The following UBE2E2 variants were observed in gnomAD, a reference collection of about 807,000 sequenced individuals.
The protein encoded by UBE2E2 is ubiquitin conjugating enzyme E2 E2.
A neutral mutation model predicts 24.7 loss-of-function variants in UBE2E2; 6 were observed. The observed-to-expected ratio is 0.24, with a 90% confidence interval of 0.13 to 0.48. The LOEUF is 0.48. Ranked by LOEUF, UBE2E2 falls within the 20% of genes least tolerant of loss-of-function variation. UBE2E2 has a pLI of 0.99. For missense variants in UBE2E2, 169 were observed against 245.0 expected, an observed-to-expected ratio of 0.69 and a Z score of 2.07; for synonymous variants, 104 against 83.6, an observed-to-expected ratio of 1.24 and a Z score of -1.33.
intron 3 of UBE2E2, among the ~76,000 whole-genome samples, chr3:23,328,767 T>C (rs1694981642): frequency 6.6e-6 from 1 of 152,032 alleles, no homozygotes; most frequent in African/African-American, 2.4e-5. Context: ...ATTCAAGCGA[T>C]TCTCCTGCCT....
intron 3 of UBE2E2, among the ~76,000 whole-genome samples, chr3:23,344,444 A>G (rs1575574184): frequency 2.6e-5 from 4 of 152,252 alleles, no homozygotes; most frequent in Middle Eastern, 3.4e-3. Flanking sequence ...TTATGAAGCA[A>G]ACTAACGCCT....
chr3:23,279,254 A>G (rs1698436351), intron 3 of UBE2E2, among the ~76,000 whole-genome samples: 2 of 152,160 alleles, frequency 1.3e-5, no homozygotes, highest in African/African-American at 4.8e-5. Flanking sequence ...TATGTTAAAA[A>G]ATGAATGTGA....
chr3:23,388,779 G>A (rs1207165058), intron 3 of UBE2E2, among the ~76,000 whole-genome samples: 1 of 152,198 alleles, frequency 6.6e-6, no homozygotes, highest in Non-Finnish European at 1.5e-5. Flanking sequence ...GGCCAAGGCA[G>A]GCGGATCATG....
intron 3 of UBE2E2, among the ~76,000 whole-genome samples, chr3:23,308,406 A>G (rs1221418760): frequency 6.6e-6 from 1 of 152,210 alleles, no homozygotes; most frequent in Non-Finnish European, 1.5e-5. Flanking sequence ...AATCCATTAC[A>G]TACTATAGTG....
chr3:23,289,409 C>A (rs1232683901), intron 3 of UBE2E2, among the ~76,000 whole-genome samples: 1 of 152,178 alleles, frequency 6.6e-6, no homozygotes, highest in African/African-American at 2.4e-5. Flanking sequence ...AGGTTTGTTA[C>A]TTTAGCTGGC....
chr3:23,504,912 C>CTT lies in UBE2E2; in HGVS notation c.360+5185_360+5186dup, dbSNP rs150970405. On this transcript the variant is annotated intron_variant, in intron 4 of 5. Transcript: ENST00000396703. ...AATGTTTCTGTTTCAGACATTCTTT[C>CTT]TTTTTTTTTTTTTTGAGACAGGGTC... Among the ~76,000 whole-genome samples the CTT allele has an allele frequency of 2.4e-3, 225 of 95,064 alleles. 31 individuals carry two copies. In the East Asian group the frequency reaches 0.025, roughly 11 times the overall value. The allele number at this position is 95,064 out of a possible 152,430, so 62.4% of individuals were successfully genotyped here. A position where few individuals can be genotyped will look rare whatever the true frequency, so the allele number is the denominator to read the frequency against.
At chr3:23,384,792 C>T (rs1223193618) in intron 3 of UBE2E2, among the ~76,000 whole-genome samples, 2 of 152,172 alleles carry the variant, frequency 1.3e-5, no homozygotes, top group African/African-American at 4.8e-5. Context: ...CCGCCCACCT[C>T]GGCGTCCAAA....
At chr3:23,320,633 TA>T (rs1409520318) in intron 3 of UBE2E2, among the ~76,000 whole-genome samples, 1 of 152,212 alleles carries the variant, frequency 6.6e-6, no homozygotes, top group Non-Finnish European at 1.5e-5. Context: ...ACAGAAAGGT[TA>T]CGTATTTGGC....
intron 3 of UBE2E2, among the ~76,000 whole-genome samples, chr3:23,289,302 T>A (rs1349599052): frequency 1.3e-5 from 2 of 152,252 alleles, no homozygotes; most frequent in Non-Finnish European, 2.9e-5. Flanking sequence ...AAAGGTCTGT[T>A]ATGCTTTTCT....
intron 3 of UBE2E2, among the ~76,000 whole-genome samples, chr3:23,331,985 T>C (rs1695070826): frequency 6.6e-6 from 1 of 152,208 alleles, no homozygotes; most frequent in Non-Finnish European, 1.5e-5. Context: ...TAATTTTGCA[T>C]GGCCTTTTTA....
intron 5 of UBE2E2, among the ~76,000 whole-genome samples, chr3:23,551,171 A>G (rs1695634202): frequency 6.6e-6 from 1 of 152,204 alleles, no homozygotes; most frequent in Non-Finnish European, 1.5e-5. Flanking sequence ...GCAGTGTTCA[A>G]CATTCCATAA....
At chr3:23,369,375 TC>T (rs1446390155) in intron 3 of UBE2E2, among the ~76,000 whole-genome samples, 2 of 152,206 alleles carry the variant, frequency 1.3e-5, no homozygotes, top group Admixed American at 6.5e-5. Context: ...ATAATACATT[TC>T]TCATGTATAG....
chr3:23,345,449 G>C (rs1408061328), intron 3 of UBE2E2, among the ~76,000 whole-genome samples: 3 of 152,160 alleles, frequency 2.0e-5, no homozygotes, highest in Non-Finnish European at 4.4e-5. Flanking sequence ...TTTACCATAA[G>C]TGGTTTAAAA....
intron 5 of UBE2E2, among the ~76,000 whole-genome samples, chr3:23,563,409 G>GT (rs1695984302): frequency 6.6e-6 from 1 of 152,142 alleles, no homozygotes; most frequent in Admixed American, 6.6e-5. Flanking sequence ...CTGAGTTCTA[G>GT]TTTGATTGCA....
At chr3:23,531,094 T>C (rs1463205687) in intron 4 of UBE2E2, among the ~76,000 whole-genome samples, 1 of 152,332 alleles carries the variant, frequency 6.6e-6, no homozygotes, top group African/African-American at 2.4e-5. Context: ...TCATTAGAAG[T>C]ACTAATTTAA....
chr3:23,247,420 T>C (rs1294846585), intron 3 of UBE2E2, among the ~76,000 whole-genome samples: 1 of 151,660 alleles, frequency 6.6e-6, no homozygotes, highest in African/African-American at 2.4e-5. Flanking sequence ...AATGGCATGA[T>C]CTCGGCTCAC....
intron 3 of UBE2E2, among the ~76,000 whole-genome samples, chr3:23,255,164 A>G (rs893580101): frequency 4.3e-5 from 6 of 139,100 alleles, no homozygotes; most frequent in Non-Finnish European, 7.5e-5. Context: ...ACAGCTCACT[A>G]TAATCTCCTC....
chr3:23,253,763 A>G lies in UBE2E2; in HGVS notation c.227+36451A>G, dbSNP rs569092289. On this transcript the variant is annotated intron_variant, in intron 3 of 5. Transcript: ENST00000396703. ...GGATGGTTATATATCCAATAAAAAT[A>G]AATAGGCAAGGTATATAGTAGTATG... 1.5e-3 allele frequency among the ~76,000 whole-genome samples: 230 copies of G among 152,344 alleles called. 1 individual carries two copies. Among genetic ancestry groups the G allele is most frequent in the Middle Eastern group, 3.4e-3 (1 of 294 alleles).
intron 3 of UBE2E2, among the ~76,000 whole-genome samples, chr3:23,368,089 T>G (rs567952854): frequency 1.3e-5 from 2 of 152,324 alleles, no homozygotes; most frequent in South Asian, 4.1e-4. Flanking sequence ...TGATGGCATT[T>G]GATTTCCTAT....
Sources: gnomAD v4.1 joint callset for allele counts (sites outside exome capture counted in the v4.1 genomes callset) on GRCh38, gnomAD v4.1.1 for gene constraint, MANE v1.5 for transcripts, NCBI Gene and HGNC (gene_info 2026-07-23, HGNC 2026-07-21) for gene names.